The following BRWD1 variants were observed in gnomAD, a reference collection of about 807,000 sequenced individuals.
BRWD1 encodes bromodomain and WD repeat-containing protein 1.
BRWD1 carries 82 observed loss-of-function variants against 251.2 expected under a neutral mutation model. That is an observed-to-expected ratio of 0.33 (90% CI 0.27 to 0.39). BRWD1 has a LOEUF of 0.39. BRWD1 is among the 10% of genes least tolerant of loss of function. BRWD1 has a pLI of 1.00. For missense variants in BRWD1, 2,233 were observed against 2,711.6 expected, an observed-to-expected ratio of 0.82 and a Z score of 3.92; for synonymous variants, 918 against 902.8, an observed-to-expected ratio of 1.02 and a Z score of -0.30.
rs138657557 is a variant in BRWD1, at chr21:39,211,106, A to G, written c.3901-177T>C. Among the ~76,000 whole-genome samples the G allele has an allele frequency of 2.2e-4, 34 of 152,364 alleles. No individual in the cohort carries two copies. In the East Asian group the frequency reaches 4.8e-3, roughly 22 times the overall value. ...TGCATGAAACGTAAGTTATTTTCAT[A>G]TAACTTAACCAATTTCAGAAATATT... On this transcript the variant is annotated intron_variant, in intron 34 of 40. Coordinates refer to ENST00000342449, the MANE Select transcript of BRWD1 (RefSeq NM_033656.4).
chr21:39,210,431 C>CT (rs1568869790), intron 35 of BRWD1, among the ~76,000 whole-genome samples: 3 of 152,182 alleles, frequency 2.0e-5, no homozygotes, highest in South Asian at 2.1e-4. Flanking sequence ...TATAATCCAA[C>CT]TTTTTTTATA....
intron 23 of BRWD1, 122 bp downstream of exon 23, chr21:39,236,473 G>T: frequency 1.1e-6 from 1 of 908,704 alleles, no homozygotes; most frequent in Non-Finnish European, 1.6e-6. Flanking sequence ...CCCCAGAGCA[G>T]GGCCCAAGAC....
chr21:39,313,394 GAA>G, intron 1 of BRWD1, 47 bp downstream of exon 1: 1 of 1,467,044 alleles, frequency 6.8e-7, no homozygotes. Context: ...CGGGGAAGCC[GAA>G]GCAGCCGGGA....
Position 39,295,794 on chromosome 21 carries a change from T to G in BRWD1, c.558A>C (p.Leu186=), listed in dbSNP as rs1361697042. The change falls in exon 7 of 41, where the codon CTA becomes CTC. Residue 186 remains leucine, a synonymous_variant. Coordinates refer to ENST00000342449, the MANE Select transcript of BRWD1 (RefSeq NM_033656.4). ...CAAATGCTACACAGTAAACAGCAGA[T>G]AGATGTCCGAGAATCCTTCTGTGCA... ...IKMHRRILGH[L]SAVYCVAFDR... 2 of 1,612,198 alleles carry G rather than the reference T, an allele frequency of 1.2e-6. No individual in the cohort carries two copies. Among genetic ancestry groups the G allele is most frequent in the Admixed American group, 3.3e-5 (2 of 59,952 alleles).
In BRWD1 at chr21:39,312,821, C is replaced by G; in HGVS notation, c.198+20G>C. 1 of 1,586,562 alleles carries G rather than the reference C, an allele frequency of 6.3e-7. No homozygotes were observed. The highest frequency in any genetic ancestry group is 8.6e-7 in the Non-Finnish European group (1 of 1,167,308). On this transcript the variant is annotated intron_variant, in intron 4 of 40. Transcript: ENST00000342449. ...GGCGGTGCACGGAAAACCCGGGGAGCAAACGTGCCCAATGCTCACCAACTC... is the reference window on the plus strand; with the variant it reads ...GGCGGTGCACGGAAAACCCGGGGAGGAAACGTGCCCAATGCTCACCAACTC...
At chr21:39,205,777 TAAATA>T (rs1486344853) in intron 37 of BRWD1, among the ~76,000 whole-genome samples, 2 of 147,044 alleles carry the variant, frequency 1.4e-5, no homozygotes, top group African/African-American at 5.1e-5. Context: ...TCTCCAAAAA[TAAATA>T]AAAAATAAAT....
chr21:39,210,277 A>G lies in BRWD1; in HGVS notation c.4045-130T>C, dbSNP rs545066904. The stretch of plus-strand genomic sequence containing the variant: ...GGTTAGAGGACTCTTAAAATTCATT[A>G]GTAATGTTTAAAAAGAGGTATAAAA... On this transcript the variant is annotated intron_variant, in intron 35 of 40. Coordinates refer to ENST00000342449, the MANE Select transcript of BRWD1 (RefSeq NM_033656.4). 6 of 720,066 alleles carry G rather than the reference A, an allele frequency of 8.3e-6. No individual in the cohort carries two copies. The South Asian group carries it at 1.1e-4, about 14-fold the overall frequency. The allele number at this position is 720,066 out of a possible 1,614,324, so 44.6% of individuals were successfully genotyped here.
chr21:39,208,137 C>T (rs543015189), intron 36 of BRWD1, among the ~76,000 whole-genome samples: 1 of 152,124 alleles, frequency 6.6e-6, no homozygotes, highest in African/African-American at 2.4e-5. Flanking sequence ...ATATAGTTAA[C>T]CATAGTTTTG....
At chr21:39,251,332 T>A (rs1267565518) in intron 19 of BRWD1, among the ~76,000 whole-genome samples, 1 of 152,170 alleles carries the variant, frequency 6.6e-6, no homozygotes, top group Non-Finnish European at 1.5e-5. Flanking sequence ...ACTCACATGA[T>A]ACAACAAAAA....
rs371575638 is a variant in BRWD1 at position 39,298,086 on chromosome 21, AAG to A, written c.349+344_349+345del. On this transcript the variant is annotated intron_variant, in intron 5 of 40. Transcript: ENST00000342449. The stretch of plus-strand genomic sequence containing the variant: ...TCAAATGAAATACCTCTAGCATTTA[AAG>A]AGTTTATTAGACACATACAATTACA... 1.0e-3 allele frequency: 1,025 copies of A among 997,810 alleles called. 13 individuals are homozygous for A. In the African/African-American group the frequency reaches 0.017, roughly 16 times the overall value. The allele number at this position is 997,810 out of a possible 1,614,324, so 61.8% of individuals were successfully genotyped here.
intron 38 of BRWD1, among the ~76,000 whole-genome samples, chr21:39,201,800 A>G (rs1002601942): frequency 5.9e-5 from 9 of 152,238 alleles, no homozygotes; most frequent in African/African-American, 2.2e-4. Context: ...TTATTGAAAT[A>G]CTAGGTAAAA....
intron 4 of BRWD1, 52 bp from the exon 5 acceptor site, chr21:39,298,634 T>C: frequency 7.0e-7 from 1 of 1,421,864 alleles, no homozygotes; most frequent in Non-Finnish European, 9.4e-7. Flanking sequence ...TCAAAAACTA[T>C]TAAATACTTA....
rs2031406790 is a variant in BRWD1 at position 39,189,079 on chromosome 21, C to T, written c.*7180G>A. 1 of 984,016 alleles carries T rather than the reference C, an allele frequency of 1.0e-6. No homozygotes were observed. Among genetic ancestry groups the T allele is most frequent in the African/African-American group, 1.7e-5 (1 of 57,298 alleles). The allele number at this position is 984,016 out of a possible 1,614,324, so 61.0% of individuals were successfully genotyped here. A position where few individuals can be genotyped will look rare whatever the true frequency, so the allele number is the denominator to read the frequency against. On this transcript the variant is annotated 3_prime_UTR_variant, in exon 41 of 41. Coordinates refer to ENST00000342449, the MANE Select transcript of BRWD1 (RefSeq NM_033656.4). ...TATCTCCAACAAGTCAACCCTATAT[C>T]CAAAATGAATCTTTAACACATTAAA...
intron 18 of BRWD1, 22 bp from the exon 19 acceptor site, chr21:39,255,850 G>C (rs1487804957): frequency 6.2e-7 from 1 of 1,604,086 alleles, no homozygotes; most frequent in Non-Finnish European, 8.5e-7. Flanking sequence ...TGATGGGGAA[G>C]TGATTCCAAT....
chr21:39,302,452 T>G (rs1442348445), intron 4 of BRWD1, among the ~76,000 whole-genome samples: 1 of 152,146 alleles, frequency 6.6e-6, no homozygotes, highest in East Asian at 1.9e-4. Flanking sequence ...ATCTTGAAAC[T>G]TTTATAATAT....
chr21:39,232,382 C>T lies in BRWD1; in HGVS notation c.2883G>A (p.Met961Ile). ...TLRKSPFVPQ[M>I]GDEVIYFRQG... ...TTTGTATTACTCTCACCTCATCACC[C>T]ATTTGAGGAACAAAAGGAGATTTTC... Residue 961 changes from methionine (M) to isoleucine (I), a missense_variant, in exon 24 of 41, where the codon ATG (methionine) becomes ATA (isoleucine). Transcript: ENST00000342449. 6.3e-7 allele frequency: 1 copy of T among 1,592,134 alleles called. No individual in the cohort carries two copies. Among genetic ancestry groups the T allele is most frequent in the Non-Finnish European group, 8.5e-7 (1 of 1,174,314 alleles).
chr21:39,201,248 C>A (rs936612195), intron 38 of BRWD1, among the ~76,000 whole-genome samples: 1 of 152,128 alleles, frequency 6.6e-6, no homozygotes, highest in Non-Finnish European at 1.5e-5. Context: ...TGTGGTTCAT[C>A]CTTTGAACTT....
In BRWD1 at chr21:39,187,051, C is replaced by A; in HGVS notation, c.*9208G>T. ...CTATTGTGCATTTTCTTTCCAGGAT[C>A]TGAACCCCCTTAAAAAAAGCATTTT... On this transcript the variant is annotated 3_prime_UTR_variant, in exon 41 of 41. Transcript: ENST00000342449. The A allele has an allele frequency of 1.9e-6, 3 of 1,578,346 alleles. No homozygotes were observed. The South Asian group carries it at 3.6e-5, about 19-fold the overall frequency.
chr21:39,213,609 G>GA, intron 32 of BRWD1, 56 bp from the exon 33 acceptor site: 2 of 1,188,582 alleles, frequency 1.7e-6, no homozygotes, highest in Non-Finnish European at 2.4e-6. Flanking sequence ...TGTTGGCAAG[G>GA]ATTCAAATTA....
Sources: allele counts gnomAD v4.1 joint callset (sites outside exome capture counted in the v4.1 genomes callset), GRCh38; gene constraint gnomAD v4.1.1; transcripts MANE v1.5; gene names NCBI Gene and HGNC (gene_info 2026-07-23, HGNC 2026-07-21).